The following PDE1A variants were observed in gnomAD, a reference collection of about 807,000 sequenced individuals.
The protein encoded by PDE1A is phosphodiesterase 1A, also known as dual specificity calcium/calmodulin-dependent 3',5'-cyclic nucleotide phosphodiesterase 1A.
In PDE1A, 35 loss-of-function variants were observed where a neutral mutation model predicts 61.7. The observed-to-expected ratio is 0.57, with a 90% CI of 0.43 to 0.75. The LOEUF (loss-of-function observed/expected upper bound fraction) is 0.75, where lower values mean the gene tolerates loss of function less well. Among genes scored for constraint, PDE1A ranks in the 30% least tolerant of loss-of-function variants. The pLI is 0.00. For missense variants in PDE1A, 597 were observed against 630.6 expected (o/e 0.95, Z 0.57); for synonymous variants, 232 against 213.2 (o/e 1.09, Z -0.77).
At chr2:182,630,400 A>G in the PDE1A span, among the ~76,000 whole-genome samples, 2 of 152,210 alleles carry the variant, frequency 1.3e-5, no homozygotes, top group East Asian at 1.9e-4. Context: ...CCTTGGCTGT[A>G]TGTTAAATTC....
chr2:182,625,128 G>A, the PDE1A span, among the ~76,000 whole-genome samples: 2 of 152,284 alleles, frequency 1.3e-5, no homozygotes, highest in South Asian at 4.1e-4. Context: ...GCCATGTGAA[G>A]ATACTGCAAG....
At chr2:182,187,737 C>CTTTTTTTT (rs1038970569) in intron 11 of PDE1A, among the ~76,000 whole-genome samples, 64 of 66,380 alleles carry the variant, frequency 9.6e-4, no homozygotes, top group African/African-American at 1.1e-3. Context: ...TTTTTTTGTT[C>CTTTTTTTT]TTTTTTTTTT....
intron 13 of PDE1A, among the ~76,000 whole-genome samples, chr2:182,176,245 G>A (rs1692770679): frequency 3.4e-5 from 5 of 148,556 alleles, no homozygotes; most frequent in Admixed American, 3.3e-4. Context: ...GCTTGATGGG[G>A]ATGGCATTGA....
downstream of PDE1A, among the ~76,000 whole-genome samples, chr2:182,143,544 C>A (rs562139219): frequency 3.9e-5 from 6 of 152,040 alleles, no homozygotes; most frequent in Admixed American, 1.3e-4. Context: ...TGAGACGAGT[C>A]TCACTCTGTC....
intron 7 of PDE1A, among the ~76,000 whole-genome samples, chr2:182,223,632 C>T (rs1688909213): frequency 6.6e-6 from 1 of 151,920 alleles, no homozygotes; most frequent in African/African-American, 2.4e-5. Context: ...TTGTCTTAAA[C>T]ATTTTCATGT....
At chr2:182,698,584 A>T in the PDE1A span, among the ~76,000 whole-genome samples, 1 of 152,244 alleles carries the variant, frequency 6.6e-6, no homozygotes, top group Non-Finnish European at 1.5e-5. Flanking sequence ...TTTGAATAGA[A>T]TGAGCAGAAT....
the PDE1A span, among the ~76,000 whole-genome samples, chr2:182,655,267 A>C: frequency 2.0e-5 from 3 of 152,128 alleles, no homozygotes; most frequent in Non-Finnish European, 4.4e-5. Context: ...TTCTAACTCC[A>C]TTCCTCAATA....
chr2:182,463,115 C>T (rs1262537563), intron 2 of PDE1A, among the ~76,000 whole-genome samples: 2 of 151,954 alleles, frequency 1.3e-5, no homozygotes, highest in Admixed American at 1.3e-4. Context: ...ATGGCATGCA[C>T]CTGTAGTACC....
chr2:182,495,582 T>C (rs1209810579), intron 2 of PDE1A, among the ~76,000 whole-genome samples: 1 of 152,184 alleles, frequency 6.6e-6, no homozygotes, highest in African/African-American at 2.4e-5. Context: ...AATCAAAGGA[T>C]TATATATTTT....
At chr2:182,378,667 C>T (rs16823144) in intron 1 of PDE1A, among the ~76,000 whole-genome samples, 3,666 of 152,158 alleles carry the variant, frequency 0.024, 131 homozygotes, top group African/African-American at 0.082. Flanking sequence ...TAAAGCTTAA[C>T]GCTATTTAAG....
chr2:182,595,576 G>A, the PDE1A span, among the ~76,000 whole-genome samples: 2 of 152,134 alleles, frequency 1.3e-5, no homozygotes, highest in Non-Finnish European at 2.9e-5. Flanking sequence ...TTTTCAACTT[G>A]GCCAAAGATT....
At chr2:182,662,918 T>C in the PDE1A span, among the ~76,000 whole-genome samples, 1 of 152,186 alleles carries the variant, frequency 6.6e-6, no homozygotes, top group African/African-American at 2.4e-5. Context: ...AGAAAAATTT[T>C]GCAAACTATG....
At chr2:182,446,032 A>C (rs1685108680) in intron 2 of PDE1A, among the ~76,000 whole-genome samples, 1 of 152,140 alleles carries the variant, frequency 6.6e-6, no homozygotes, top group African/African-American at 2.4e-5. Flanking sequence ...GCAAGATAAA[A>C]ATGCCAAGTA....
chr2:182,536,982 T>A, the PDE1A span, among the ~76,000 whole-genome samples: 1 of 152,118 alleles, frequency 6.6e-6, no homozygotes, highest in East Asian at 1.9e-4. Context: ...GTGCCAAACA[T>A]GTAAGTGAAG....
rs561132976 is a variant in PDE1A at position 182,234,596 on chromosome 2, C to A, written c.351-98G>T. On this transcript the variant is annotated intron_variant, in intron 3 of 13. Coordinates refer to ENST00000351439, the Ensembl canonical transcript of PDE1A. ...GGGAAAAGATTACTTTTGACATGTT[C>A]ACCTCTTATCATTAGTTACAGACTC... 17 of 732,100 alleles carry A rather than the reference C, an allele frequency of 2.3e-5. No individual in the cohort carries two copies. In the African/African-American group the frequency reaches 3.1e-4, roughly 13 times the overall value. The allele number at this position is 732,100 out of a possible 1,614,324, so 45.4% of individuals were successfully genotyped here.
At chr2:182,658,196 G>A in the PDE1A span, among the ~76,000 whole-genome samples, 11 of 151,996 alleles carry the variant, frequency 7.2e-5, no homozygotes, top group Admixed American at 5.2e-4. Flanking sequence ...GAGGCTAGAC[G>A]TCCAAAGTCA....
At chr2:182,612,403 T>C in the PDE1A span, among the ~76,000 whole-genome samples, 3 of 152,206 alleles carry the variant, frequency 2.0e-5, no homozygotes, top group African/African-American at 7.2e-5. Flanking sequence ...ATATCCAGCA[T>C]GTTTATTCTT....
the PDE1A span, among the ~76,000 whole-genome samples, chr2:182,564,198 G>A: frequency 6.6e-5 from 10 of 152,070 alleles, 1 homozygote; most frequent in Admixed American, 5.2e-4. Context: ...GGTACTGGTT[G>A]TTCCTTTCCA....
the PDE1A span, among the ~76,000 whole-genome samples, chr2:182,689,958 C>T: frequency 1.3e-5 from 2 of 152,152 alleles, no homozygotes; most frequent in Non-Finnish European, 2.9e-5. Flanking sequence ...TTGACACATA[C>T]ACCCTCCCAA....
Sources: allele counts gnomAD v4.1 joint callset (sites outside exome capture counted in the v4.1 genomes callset), GRCh38; gene constraint gnomAD v4.1.1; transcripts MANE v1.5; gene names NCBI Gene and HGNC (gene_info 2026-07-23, HGNC 2026-07-21).